The following C13orf42 variants were observed in gnomAD, a reference collection of about 807,000 sequenced individuals.
The protein encoded by C13orf42 is uncharacterized protein C13orf42.
intron 1 of C13orf42, among the ~76,000 whole-genome samples, chr13:51,171,251 C>G (rs1439249530): frequency 6.6e-6 from 1 of 152,130 alleles, no homozygotes; most frequent in Non-Finnish European, 1.5e-5. Context: ...CCGTTTGACC[C>G]CAATACAAAC....
chr13:51,149,393 A>G (rs1953763011), intron 1 of C13orf42, among the ~76,000 whole-genome samples: 1 of 152,192 alleles, frequency 6.6e-6, no homozygotes, highest in Admixed American at 6.5e-5. Context: ...TAATAAGTGA[A>G]AATGTTTGCA....
At chr13:51,105,387 C>T (rs1431799422) in intron 1 of C13orf42, among the ~76,000 whole-genome samples, 1 of 152,220 alleles carries the variant, frequency 6.6e-6, no homozygotes, top group Non-Finnish European at 1.5e-5. Context: ...GCTCCTGACA[C>T]ATAGTATGTG....
At chr13:51,086,236 G>C (rs1235299664) in intron 2 of C13orf42, among the ~76,000 whole-genome samples, 1 of 151,880 alleles carries the variant, frequency 6.6e-6, no homozygotes, top group African/African-American at 2.4e-5. Flanking sequence ...GAACCTGGCA[G>C]GCAGAGCTTG....
At chr13:51,130,705 C>T (rs1190292641) in intron 1 of C13orf42, among the ~76,000 whole-genome samples, 1 of 152,126 alleles carries the variant, frequency 6.6e-6, no homozygotes, top group African/African-American at 2.4e-5. Context: ...CTAGGCTCCA[C>T]ACTAGTACAT....
At chr13:51,087,730 GAAGT>G (rs1953143228) in intron 2 of C13orf42, among the ~76,000 whole-genome samples, 194 bp downstream of exon 2, 1 of 152,216 alleles carries the variant, frequency 6.6e-6, no homozygotes, top group Admixed American at 6.5e-5. Flanking sequence ...ACAGAAAACT[GAAGT>G]AAGAGATCCC....
At chr13:51,149,934 A>G (rs905904363) in intron 1 of C13orf42, among the ~76,000 whole-genome samples, 3 of 152,140 alleles carry the variant, frequency 2.0e-5, no homozygotes, top group Non-Finnish European at 4.4e-5. Flanking sequence ...AAGAAATAGC[A>G]CTCTTCCCAG....
intron 1 of C13orf42, among the ~76,000 whole-genome samples, chr13:51,153,879 C>T (rs1036652978): frequency 6.6e-6 from 1 of 151,936 alleles, no homozygotes; most frequent in Non-Finnish European, 1.5e-5. Flanking sequence ...AGCAATCTAC[C>T]GCCTCGGCCT....
At chr13:51,117,387 T>C (rs145580563) in intron 1 of C13orf42, among the ~76,000 whole-genome samples, 2,055 of 152,360 alleles carry the variant, frequency 0.013, 23 homozygotes, top group Admixed American at 0.021. Context: ...GAGTGGATTA[T>C]ATAATACCTT....
upstream of C13orf42, among the ~76,000 whole-genome samples, chr13:51,115,874 T>C (rs1953486236): frequency 6.6e-6 from 1 of 152,198 alleles, no homozygotes; most frequent in Non-Finnish European, 1.5e-5. Flanking sequence ...GGAAAGAATT[T>C]TCCCTGGAGA....
intron 3 of C13orf42, 24 bp downstream of exon 3, chr13:51,085,295 A>G (rs1953109581): frequency 2.5e-6 from 1 of 397,970 alleles, no homozygotes; most frequent in Non-Finnish European, 4.4e-6. Context: ...CATCTTGGTC[A>G]TGCTATTTAG....
At chr13:51,168,031 G>A (rs1953915696) in intron 1 of C13orf42, among the ~76,000 whole-genome samples, 2 of 152,206 alleles carry the variant, frequency 1.3e-5, no homozygotes, top group South Asian at 4.1e-4. Flanking sequence ...TAAGCCCTCA[G>A]TGGCTATACA....
chr13:51,094,323 T>G (rs924442645), intron 1 of C13orf42, among the ~76,000 whole-genome samples: 1 of 152,198 alleles, frequency 6.6e-6, no homozygotes, highest in African/African-American at 2.4e-5. Context: ...GTGCAATAAA[T>G]GAGGAAATAC....
chr13:51,166,958 A>G (rs1953906920), intron 1 of C13orf42, among the ~76,000 whole-genome samples: 1 of 152,102 alleles, frequency 6.6e-6, no homozygotes. Flanking sequence ...GCGCACCTAT[A>G]GTCCCAGCTA....
chr13:51,133,967 G>A (rs534562467), intron 1 of C13orf42, among the ~76,000 whole-genome samples: 19 of 152,300 alleles, frequency 1.2e-4, no homozygotes, highest in African/African-American at 3.8e-4. Flanking sequence ...GCCCTCAGGA[G>A]AGCAGGCATC....
At chr13:51,102,199 G>C (rs1032578174) in intron 1 of C13orf42, among the ~76,000 whole-genome samples, 2 of 152,196 alleles carry the variant, frequency 1.3e-5, no homozygotes, top group African/African-American at 4.8e-5. Flanking sequence ...AGTAACTGAT[G>C]CTCACAGAAA....
upstream of C13orf42, among the ~76,000 whole-genome samples, chr13:51,114,212 G>C (rs1239396694): frequency 1.3e-5 from 2 of 152,182 alleles, no homozygotes; most frequent in South Asian, 2.1e-4. Context: ...ATGAGAATGA[G>C]AGTATGGGCC....
In C13orf42 at chr13:51,125,271, T is replaced by C. The variant is rs541130326; in HGVS notation, n.137-12049A>G. On this transcript the variant is annotated intron_variant and non_coding_transcript_variant, in intron 1 of 4. Coordinates refer to the C13orf42 transcript ENST00000433280. The stretch of plus-strand genomic sequence containing the variant: ...GTGTCTATCCTGACCTATAATTGCA[T>C]TATCTTCCCACTAAATTCTCAGCTC... Among the ~76,000 whole-genome samples, 360 of 152,330 alleles carry C rather than the reference T, an allele frequency of 2.4e-3. 3 individuals carry two copies. Among genetic ancestry groups the C allele is most frequent in the Non-Finnish European group, 2.9e-3 (200 of 68,024 alleles).
At chr13:51,145,641 A>G (rs967147989) in intron 1 of C13orf42, among the ~76,000 whole-genome samples, 1 of 152,216 alleles carries the variant, frequency 6.6e-6, no homozygotes, top group African/African-American at 2.4e-5. Flanking sequence ...CTCCCATTCT[A>G]TTCAAAGTCA....
At position 51,151,389 on chromosome 13, in the gene C13orf42, A is replaced by C. The variant is rs192242440; in HGVS notation, n.136+20864T>G. ...AGCTGGAAAAGGAAAAAAAAAAGAAAAAACAAACAAACAAACAAACAAAAA... is the reference window on the plus strand; with the variant it reads ...AGCTGGAAAAGGAAAAAAAAAAGAACAAACAAACAAACAAACAAACAAAAA... On this transcript the variant is annotated intron_variant and non_coding_transcript_variant, in intron 1 of 4. Transcript: ENST00000433280. 9.9e-5 allele frequency among the ~76,000 whole-genome samples: 15 copies of C among 152,278 alleles called. 1 individual carries two copies. The highest frequency in any genetic ancestry group is 2.9e-4 in the African/African-American group (12 of 41,562).
Sources: gnomAD v4.1 joint callset for allele counts (sites outside exome capture counted in the v4.1 genomes callset) on GRCh38, gnomAD v4.1.1 for gene constraint, MANE v1.5 for transcripts, NCBI Gene and HGNC (gene_info 2026-07-23, HGNC 2026-07-21) for gene names.